Variants in CPNE4 observed in about 807,000 individuals in gnomAD.
CPNE4 encodes copine 4.
A neutral mutation model predicts 67.9 loss-of-function variants in CPNE4; 25 were observed. The observed-to-expected ratio is 0.37, with a 90% CI of 0.27 to 0.51. CPNE4 has a LOEUF of 0.51. Ranked by LOEUF, CPNE4 falls within the 20% of genes least tolerant of loss-of-function variation. The pLI, the probability that CPNE4 is intolerant of heterozygous loss-of-function variation, is 0.93. For missense variants in CPNE4, 464 were observed against 690.8 expected (o/e 0.67, Z 3.68); for synonymous variants, 242 against 244.9 (o/e 0.99, Z 0.11).
At chr3:131,644,421 A>G (rs967195528) in intron 7 of CPNE4, among the ~76,000 whole-genome samples, 3 of 152,186 alleles carry the variant, frequency 2.0e-5, no homozygotes, top group African/African-American at 7.2e-5. Flanking sequence ...TGCTGGGATT[A>G]TAGGTGTGAG....
chr3:131,667,891 T>C (rs2080305358), intron 7 of CPNE4, among the ~76,000 whole-genome samples: 1 of 152,180 alleles, frequency 6.6e-6, no homozygotes, highest in Non-Finnish European at 1.5e-5. Context: ...TATTATTTTA[T>C]TTCTGGCCAA....
chr3:131,978,850 G>T (rs947535693), intron 1 of CPNE4, among the ~76,000 whole-genome samples: 4 of 151,446 alleles, frequency 2.6e-5, no homozygotes, highest in African/African-American at 7.3e-5. Context: ...TTTCCTCTTA[G>T]CACTGCCTTT....
chr3:131,728,899 CAAAAAAA>C lies in CPNE4; in HGVS notation c.181-5281_181-5275del, dbSNP rs34269107. ...CACTCCAGCCTGGGCAACAGAGCCTCAAAAAAAAAAAAAAAAAAAAAAAAATTGGCTT... is the reference window on the plus strand; with the variant it reads ...CACTCCAGCCTGGGCAACAGAGCCTCAAAAAAAAAAAAAAAAAATTGGCTT... On this transcript the variant is annotated intron_variant, in intron 2 of 15. Transcript: ENST00000429747. 5.7e-3 allele frequency among the ~76,000 whole-genome samples: 514 copies of C among 89,980 alleles called. 3 individuals carry two copies. Among genetic ancestry groups the C allele is most frequent in the African/African-American group, 0.023 (493 of 21,390 alleles). 59.0% of individuals were successfully genotyped at this position (89,980 alleles called of 152,430 possible).
chr3:131,907,130 T>C (rs1438679597), intron 1 of CPNE4, among the ~76,000 whole-genome samples: 2 of 152,156 alleles, frequency 1.3e-5, no homozygotes, highest in Non-Finnish European at 2.9e-5. Flanking sequence ...ATATCCTTTA[T>C]AATAACACTT....
chr3:131,582,520 A>G (rs1247744193), intron 8 of CPNE4, among the ~76,000 whole-genome samples: 12 of 152,204 alleles, frequency 7.9e-5, no homozygotes, highest in Admixed American at 7.9e-4. Flanking sequence ...CTGAAAATGA[A>G]GTAGTTTCTG....
chr3:131,582,817 A>T (rs1433166621), intron 8 of CPNE4, among the ~76,000 whole-genome samples: 1 of 151,772 alleles, frequency 6.6e-6, no homozygotes, highest in Non-Finnish European at 1.5e-5. Context: ...TATCCTGGCC[A>T]TCCTGGCTGC....
At chr3:131,666,450 A>C (rs2080264330) in intron 7 of CPNE4, among the ~76,000 whole-genome samples, 1 of 152,080 alleles carries the variant, frequency 6.6e-6, no homozygotes, top group African/African-American at 2.4e-5. Context: ...AGAATTGTAA[A>C]ATTTCAAAAT....
chr3:131,849,433 C>T (rs1031354625), intron 2 of CPNE4, among the ~76,000 whole-genome samples: 2 of 152,032 alleles, frequency 1.3e-5, no homozygotes, highest in East Asian at 1.9e-4. Flanking sequence ...CATGGCCAGA[C>T]GGGAAGAATA....
intron 7 of CPNE4, among the ~76,000 whole-genome samples, chr3:131,625,673 G>C (rs1201664617): frequency 3.4e-4 from 52 of 152,122 alleles, no homozygotes. Flanking sequence ...TGAAGTCGTG[G>C]ATAGAACTAA....
intron 2 of CPNE4, among the ~76,000 whole-genome samples, chr3:131,751,857 T>C (rs991042417): frequency 2.6e-5 from 4 of 151,958 alleles, no homozygotes; most frequent in Admixed American, 6.6e-5. Flanking sequence ...CAGGTGAAGA[T>C]AGAAGTCCAA....
At chr3:131,626,187 G>A (rs1328691108) in intron 7 of CPNE4, among the ~76,000 whole-genome samples, 1 of 152,018 alleles carries the variant, frequency 6.6e-6, no homozygotes, top group Non-Finnish European at 1.5e-5. Context: ...CCCTAAAGTG[G>A]CCTCTAAATG....
chr3:131,901,562 G>A (rs573289991), intron 2 of CPNE4, among the ~76,000 whole-genome samples: 3 of 151,856 alleles, frequency 2.0e-5, no homozygotes, highest in Non-Finnish European at 2.9e-5. Flanking sequence ...AAATATTTCC[G>A]GCCAGGCATG....
chr3:131,624,693 T>G (rs2079018488), intron 7 of CPNE4, among the ~76,000 whole-genome samples: 1 of 152,174 alleles, frequency 6.6e-6, no homozygotes, highest in Non-Finnish European at 1.5e-5. Context: ...CCTATAAATC[T>G]TAACATGGAG....
chr3:131,660,249 A>G (rs1393873350), intron 7 of CPNE4, among the ~76,000 whole-genome samples: 1 of 152,228 alleles, frequency 6.6e-6, no homozygotes, highest in Non-Finnish European at 1.5e-5. Context: ...CACTAATGAA[A>G]AAGTTATTTT....
At chr3:131,716,675 C>T (rs1429503953) in intron 3 of CPNE4, among the ~76,000 whole-genome samples, 4 of 152,206 alleles carry the variant, frequency 2.6e-5, no homozygotes, top group African/African-American at 9.7e-5. Flanking sequence ...GCTTCCCCAT[C>T]CCGAGTGCTC....
intron 1 of CPNE4, among the ~76,000 whole-genome samples, chr3:131,940,142 T>C (rs2071344350): frequency 6.6e-6 from 1 of 152,112 alleles, no homozygotes; most frequent in Non-Finnish European, 1.5e-5. Context: ...CCACAACTAA[T>C]TCATGAAATT....
chr3:131,879,989 C>A (rs73206020), intron 2 of CPNE4, among the ~76,000 whole-genome samples: 1 of 152,020 alleles, frequency 6.6e-6, no homozygotes, highest in Non-Finnish European at 1.5e-5. Flanking sequence ...AATCCCCTAC[C>A]CAAACCTTTA....
At position 131,543,384 on chromosome 3, in the gene CPNE4, C is replaced by T. The variant is rs1216621715; in HGVS notation, c.1303-591G>A. Among the ~76,000 whole-genome samples, 9 of 152,150 alleles carry T rather than the reference C, an allele frequency of 5.9e-5. No homozygotes were observed. The East Asian group carries it at 1.3e-3, about 23-fold the overall frequency. The stretch of plus-strand genomic sequence containing the variant: ...AACATTTTAAGTATGTTTGGAACAA[C>T]TTCAGTAGATTAATCTACTTTTTCT... On this transcript the variant is annotated intron_variant, in intron 14 of 15. Transcript: ENST00000429747.
chr3:131,856,272 T>C (rs1645295367), intron 2 of CPNE4, among the ~76,000 whole-genome samples: 1 of 151,880 alleles, frequency 6.6e-6, no homozygotes, highest in Admixed American at 6.6e-5. Context: ...ATAAACCATG[T>C]CTTACATGGT....
Sources: allele counts gnomAD v4.1 joint callset (sites outside exome capture counted in the v4.1 genomes callset), GRCh38; gene constraint gnomAD v4.1.1; transcripts MANE v1.5; gene names NCBI Gene and HGNC (gene_info 2026-07-23, HGNC 2026-07-21).